The following SEMA3C variants were observed in gnomAD, a reference collection of about 807,000 sequenced individuals.
SEMA3C encodes the protein semaphorin 3C, also known as semaphorin-3C.
In SEMA3C, 47 loss-of-function variants were observed where a neutral mutation model predicts 89.4. The ratio of observed to expected loss-of-function variants is 0.53; its 90% CI spans 0.42 to 0.67. SEMA3C has a LOEUF of 0.67. Among genes scored for constraint, SEMA3C ranks in the 30% least tolerant of loss-of-function variants. The probability of loss-of-function intolerance (pLI) is 0.00; values close to 1 mark genes in which losing one functional copy is unlikely to be tolerated. For missense variants in SEMA3C, 839 were observed against 929.1 expected, an observed-to-expected ratio of 0.90 and a Z score of 1.26; for synonymous variants, 310 against 320.2, an observed-to-expected ratio of 0.97 and a Z score of 0.34.
chr7:80,909,748 C>G (rs1313957145), intron 2 of SEMA3C, among the ~76,000 whole-genome samples: 1 of 152,012 alleles, frequency 6.6e-6, no homozygotes, highest in African/African-American at 2.4e-5. Flanking sequence ...AGAGCAGTAA[C>G]TTGGGGAAGG....
intron 5 of SEMA3C, among the ~76,000 whole-genome samples, 184 bp from the exon 6 acceptor site, chr7:80,810,885 C>A (rs1303699825): frequency 1.3e-5 from 2 of 152,132 alleles, no homozygotes; most frequent in Non-Finnish European, 2.9e-5. Flanking sequence ...TAATTACAAG[C>A]TAACCTCAGC....
At chr7:80,838,780 T>A (rs1188790980) in intron 2 of SEMA3C, among the ~76,000 whole-genome samples, 6 of 152,076 alleles carry the variant, frequency 3.9e-5, no homozygotes, top group African/African-American at 1.2e-4. Flanking sequence ...CTTAAAACCA[T>A]CAGCTTTCCT....
chr7:80,832,429 C>G (rs1790028602), intron 2 of SEMA3C, among the ~76,000 whole-genome samples: 1 of 152,134 alleles, frequency 6.6e-6, no homozygotes, highest in Non-Finnish European at 1.5e-5. Flanking sequence ...GATTATCTAT[C>G]TAATTAGATA....
chr7:80,913,496 T>A (rs1792201228), intron 2 of SEMA3C, among the ~76,000 whole-genome samples: 1 of 152,246 alleles, frequency 6.6e-6, no homozygotes, highest in Admixed American at 6.5e-5. Flanking sequence ...CTCAGTTTTC[T>A]GTTTTTAAAC....
At chr7:80,748,390 A>G (rs1160609361) in intron 17 of SEMA3C, among the ~76,000 whole-genome samples, 1 of 152,192 alleles carries the variant, frequency 6.6e-6, no homozygotes, top group Admixed American at 6.6e-5. Flanking sequence ...CCCATAAACA[A>G]TGATTCCATA....
At chr7:80,899,625 A>G (rs2116190098) in intron 2 of SEMA3C, among the ~76,000 whole-genome samples, 2 of 152,278 alleles carry the variant, frequency 1.3e-5, no homozygotes, top group East Asian at 3.9e-4. Context: ...CTCTAGACCA[A>G]GAGTAGAAAA....
intron 15 of SEMA3C, among the ~76,000 whole-genome samples, chr7:80,753,919 T>C (rs550926659): frequency 1.9e-4 from 27 of 143,448 alleles, no homozygotes; most frequent in Non-Finnish European, 3.7e-4. Flanking sequence ...TATTGTTTAC[T>C]AGAGTTTTGT....
intron 2 of SEMA3C, among the ~76,000 whole-genome samples, chr7:80,875,835 C>T (rs973376016): frequency 2.6e-5 from 4 of 151,238 alleles, no homozygotes; most frequent in Non-Finnish European, 5.9e-5. Context: ...GCTTCTTACA[C>T]GTGAAAAGGT....
In SEMA3C at chr7:80,768,803, TG is replaced by T. The variant is rs1562866822; in HGVS notation, c.1355-3561del. ...GGCAAGATTTGTGTGTGTGTGTGTG[TG>T]TGTCAATGACCACAGGCATGTGTGT... is the stretch of plus-strand genomic sequence containing the variant. On this transcript the variant is annotated intron_variant, in intron 12 of 17. Coordinates refer to ENST00000265361, the MANE Select transcript of SEMA3C (RefSeq NM_006379.5). Among the ~76,000 whole-genome samples, 9 of 152,330 alleles carry T rather than the reference TG, an allele frequency of 5.9e-5. No individual in the cohort carries two copies. In the South Asian group the frequency reaches 1.9e-3, roughly 32 times the overall value.
chr7:80,759,890 C>G (rs1387275704), intron 14 of SEMA3C, among the ~76,000 whole-genome samples: 3 of 152,080 alleles, frequency 2.0e-5, no homozygotes, highest in African/African-American at 4.8e-5. Flanking sequence ...GTAAATAATA[C>G]AGCAAATTTA....
intron 1 of SEMA3C, 123 bp from the exon 2 acceptor site, chr7:80,916,942 A>C (rs1223790488): frequency 4.3e-6 from 3 of 699,274 alleles, no homozygotes; most frequent in Non-Finnish European, 6.9e-6. Context: ...CAGTAATGCA[A>C]ACAGTAGGAG....
chr7:80,771,630 G>A (rs1018341142), intron 12 of SEMA3C, among the ~76,000 whole-genome samples: 1 of 152,138 alleles, frequency 6.6e-6, no homozygotes, highest in African/African-American at 2.4e-5. Context: ...TCACTACTAA[G>A]CAGGTCATTG....
intron 2 of SEMA3C, among the ~76,000 whole-genome samples, chr7:80,875,024 C>T (rs1018073055): frequency 7.9e-5 from 12 of 151,106 alleles, no homozygotes; most frequent in Non-Finnish European, 1.5e-4. Flanking sequence ...GCGGAGCTTG[C>T]AGTGAGCAGA....
rs1015469482 is a variant in SEMA3C, at chr7:80,783,116, T to C, written c.1354+6190A>G. Among the ~76,000 whole-genome samples, 7 of 152,168 alleles carry C rather than the reference T, an allele frequency of 4.6e-5. No individual in the cohort carries two copies. The East Asian group carries it at 1.4e-3, about 29-fold the overall frequency. On this transcript the variant is annotated intron_variant, in intron 12 of 17. Coordinates refer to ENST00000265361, the MANE Select transcript of SEMA3C (RefSeq NM_006379.5). Reference sequence around the variant, plus strand: ...CTTAAAATAACAGGTCTCTGAAGAGTAGCTTAAAGAAAAATAATGCTGCTT... The same window carrying C: ...CTTAAAATAACAGGTCTCTGAAGAGCAGCTTAAAGAAAAATAATGCTGCTT...
chr7:80,768,358 C>CA lies in SEMA3C; in HGVS notation c.1355-3116dup, dbSNP rs917146602. On this transcript the variant is annotated intron_variant, in intron 12 of 17. Coordinates refer to ENST00000265361, the MANE Select transcript of SEMA3C (RefSeq NM_006379.5). The stretch of plus-strand genomic sequence containing the variant: ...GAAACCCCGTCTCTACTAAAAAATA[C>CA]AAAAAATTAGCCAGGCGTGCTGGCA... Among the ~76,000 whole-genome samples the CA allele has an allele frequency of 3.4e-4, 52 of 151,986 alleles. 1 individual carries two copies. Among genetic ancestry groups the CA allele is most frequent in the African/African-American group, 1.1e-3 (47 of 41,482 alleles).
intron 16 of SEMA3C, among the ~76,000 whole-genome samples, chr7:80,750,336 T>C (rs953764362): frequency 6.6e-6 from 1 of 150,734 alleles, no homozygotes. Flanking sequence ...CCCATGTTCA[T>C]AGCAGGATTC....
At chr7:80,898,059 G>A (rs1038196574) in intron 2 of SEMA3C, among the ~76,000 whole-genome samples, 20 of 151,994 alleles carry the variant, frequency 1.3e-4, no homozygotes, top group African/African-American at 3.6e-4. Context: ...AAAATATATC[G>A]TAGATTAAAA....
chr7:80,889,160 G>A (rs1022300827), intron 2 of SEMA3C, among the ~76,000 whole-genome samples: 2 of 152,174 alleles, frequency 1.3e-5, no homozygotes, highest in Admixed American at 6.5e-5. Context: ...ACCACGCTCG[G>A]CCATGTTTTG....
intron 7 of SEMA3C, among the ~76,000 whole-genome samples, chr7:80,804,671 C>A (rs946232041): frequency 1.3e-5 from 2 of 151,980 alleles, no homozygotes; most frequent in Admixed American, 1.3e-4. Context: ...ATGCAACATA[C>A]GAAATGAAGG....
Sources: allele counts gnomAD v4.1 joint callset (sites outside exome capture counted in the v4.1 genomes callset), GRCh38; gene constraint gnomAD v4.1.1; transcripts MANE v1.5; gene names NCBI Gene and HGNC (gene_info 2026-07-23, HGNC 2026-07-21).